ANGPT2: variants seen among roughly 807,000 people sequenced by gnomAD.
ANGPT2 encodes angiopoietin 2, also known as angiopoietin-2.
Under a neutral mutation model 62.9 loss-of-function variants are expected in ANGPT2, and 28 were observed. That is an observed-to-expected ratio of 0.44 (90% CI 0.33 to 0.61). ANGPT2 has a LOEUF of 0.61. Ranked by LOEUF, ANGPT2 falls within the 20% of genes least tolerant of loss-of-function variation. The pLI is 0.03. For synonymous variants in ANGPT2, 284 were observed against 207.8 expected (o/e 1.37, Z -3.15); for missense variants, 727 against 594.9 (o/e 1.22, Z -2.31).
intron 1 of ANGPT2, among the ~76,000 whole-genome samples, chr8:6,538,505 T>C (rs543556078): frequency 6.6e-6 from 1 of 152,302 alleles, no homozygotes; most frequent in South Asian, 2.1e-4. Context: ...CACCGCCTCC[T>C]GACTGGCGCC....
At chr8:6,534,799 A>G (rs1479687754) in intron 1 of ANGPT2, among the ~76,000 whole-genome samples, 1 of 152,160 alleles carries the variant, frequency 6.6e-6, no homozygotes, top group Non-Finnish European at 1.5e-5. Context: ...TTCTTAATTC[A>G]TTCTTTCTCC....
At chr8:6,516,029 C>G (rs1586283424) in intron 5 of ANGPT2, among the ~76,000 whole-genome samples, 1 of 152,280 alleles carries the variant, frequency 6.6e-6, no homozygotes, top group South Asian at 2.1e-4. Flanking sequence ...GGACTTCTCC[C>G]CAGCATGGTT....
chr8:6,524,522 T>A (rs1319578801), intron 3 of ANGPT2, among the ~76,000 whole-genome samples: 1 of 152,236 alleles, frequency 6.6e-6, no homozygotes, highest in Non-Finnish European at 1.5e-5. Context: ...GAAATTGACA[T>A]ACACGTTTCA....
chr8:6,531,489 G>A (rs1005535250), intron 2 of ANGPT2, among the ~76,000 whole-genome samples: 13 of 151,754 alleles, frequency 8.6e-5, no homozygotes, highest in African/African-American at 2.9e-4. Flanking sequence ...ACGGGTTTTC[G>A]CCATGTTGGC....
intron 8 of ANGPT2, among the ~76,000 whole-genome samples, chr8:6,505,241 T>TAC (rs1813118521): frequency 8.8e-6 from 1 of 113,428 alleles, no homozygotes; most frequent in African/African-American, 3.9e-5. Context: ...ATATATAGAA[T>TAC]ATATATTCTT....
intron 1 of ANGPT2, among the ~76,000 whole-genome samples, chr8:6,545,583 G>A (rs1822441297): frequency 6.6e-6 from 1 of 152,214 alleles, no homozygotes; most frequent in Admixed American, 6.5e-5. Flanking sequence ...GGGTTAAAAT[G>A]TATATTCGTA....
rs1490630671 is a variant in ANGPT2 at position 6,561,093 on chromosome 8, T to C, written c.288+1554A>G. ...TCAAGTTAAGCAGATATTTAGGATA[T>C]AGTTTGCCTTCCACATATTTCAACC... On this transcript the variant is annotated intron_variant, in intron 1 of 8. Transcript: ENST00000629816. Among the ~76,000 whole-genome samples, 8 of 152,230 alleles carry C rather than the reference T, an allele frequency of 5.3e-5. 1 individual carries two copies. Among genetic ancestry groups the C allele is most frequent in the Non-Finnish European group, 1.2e-4 (8 of 68,046 alleles).
chr8:6,514,615 G>T, intron 6 of ANGPT2, 62 bp downstream of exon 6: 2 of 1,454,620 alleles, frequency 1.4e-6, no homozygotes, highest in Non-Finnish European at 1.9e-6. Context: ...AGGTTCCGCA[G>T]ATCTTGAAAG....
chr8:6,558,230 A>T (rs1052824871), intron 1 of ANGPT2, among the ~76,000 whole-genome samples: 3 of 151,572 alleles, frequency 2.0e-5, no homozygotes, highest in African/African-American at 7.3e-5. Context: ...AAGGGCTGGT[A>T]AAAAAATCTC....
rs371758429 is a variant in ANGPT2 at position 6,514,674 on chromosome 8, T to C, written c.1029+3A>G. ...TTTCTGATGCCTTAAAGAATGTCCT[T>C]ACCACTTTATATTCTTTCCAAGTCC... is the stretch of plus-strand genomic sequence containing the variant. On this transcript the variant is annotated splice_donor_region_variant and intron_variant, in intron 6 of 8. Coordinates refer to ENST00000629816, the MANE Select transcript of ANGPT2 (RefSeq NM_001118887.2). The C allele has an allele frequency of 1.9e-5, 30 of 1,613,220 alleles. No individual in the cohort carries two copies. In the African/African-American group the frequency reaches 2.3e-4, roughly 12 times the overall value.
intron 1 of ANGPT2, among the ~76,000 whole-genome samples, chr8:6,550,045 C>T (rs1823348751): frequency 6.6e-6 from 1 of 152,182 alleles, no homozygotes; most frequent in South Asian, 2.1e-4. Flanking sequence ...GGAAGATGTG[C>T]CTGCTGTCAG....
chr8:6,527,023 T>C, intron 3 of ANGPT2, among the ~76,000 whole-genome samples: 1 of 152,252 alleles, frequency 6.6e-6, no homozygotes, highest in East Asian at 1.9e-4. Flanking sequence ...GCTTACAGTA[T>C]AAGTGTAGCT....
At chr8:6,559,171 G>C (rs904139626) in intron 1 of ANGPT2, among the ~76,000 whole-genome samples, 1 of 151,644 alleles carries the variant, frequency 6.6e-6, no homozygotes, top group African/African-American at 2.4e-5. Context: ...ACCAAGCCCT[G>C]GGTTTTATTG....
At chr8:6,504,044 C>T (rs550594277) in intron 8 of ANGPT2, among the ~76,000 whole-genome samples, 8 of 152,302 alleles carry the variant, frequency 5.3e-5, no homozygotes, top group South Asian at 2.1e-4. Flanking sequence ...AGGGGCCGGG[C>T]GCAGTGGCTC....
intron 1 of ANGPT2, among the ~76,000 whole-genome samples, chr8:6,550,974 A>C (rs937926696): frequency 2.0e-5 from 3 of 152,204 alleles, no homozygotes; most frequent in African/African-American, 7.2e-5. Context: ...TGCTGTCCTA[A>C]TAAACAGTGT....
chr8:6,530,024 T>A (rs1819163829), intron 2 of ANGPT2, among the ~76,000 whole-genome samples: 1 of 152,086 alleles, frequency 6.6e-6, no homozygotes, highest in Non-Finnish European at 1.5e-5. Flanking sequence ...TTTTTTTAAA[T>A]TTTTGCCAAG....
intron 1 of ANGPT2, among the ~76,000 whole-genome samples, chr8:6,534,070 C>T (rs765899514): frequency 2.6e-5 from 4 of 152,152 alleles, no homozygotes; most frequent in Non-Finnish European, 2.9e-5. Context: ...AGCCTGGTCA[C>T]TAAGGCTGCC....
intron 2 of ANGPT2, among the ~76,000 whole-genome samples, chr8:6,528,625 A>T (rs970811665): frequency 6.6e-6 from 1 of 152,262 alleles, no homozygotes; most frequent in African/African-American, 2.4e-5. Context: ...TGGCATGAGC[A>T]GTGCGGCTCT....
chr8:6,505,889 AT>A (rs1362526016), intron 8 of ANGPT2, among the ~76,000 whole-genome samples: 2 of 120,186 alleles, frequency 1.7e-5, no homozygotes, highest in East Asian at 4.3e-4. Context: ...ATATATGTAT[AT>A]ATAAAAACAT....
Sources: gnomAD v4.1 joint callset for allele counts (sites outside exome capture counted in the v4.1 genomes callset) on GRCh38, gnomAD v4.1.1 for gene constraint, MANE v1.5 for transcripts, NCBI Gene and HGNC (gene_info 2026-07-23, HGNC 2026-07-21) for gene names.